PKN2: variants seen among roughly 807,000 people sequenced by gnomAD.
PKN2 encodes serine/threonine-protein kinase N2.
PKN2 carries 38 observed loss-of-function variants against 119.1 expected under a neutral mutation model. The observed-to-expected ratio is 0.32, with a 90% confidence interval of 0.25 to 0.42. The LOEUF is 0.42. Ranked by LOEUF, PKN2 falls within the 10% of genes least tolerant of loss-of-function variation. The probability of loss-of-function intolerance (pLI) is 1.00; values close to 1 mark genes in which losing one functional copy is unlikely to be tolerated. For missense variants in PKN2, 850 were observed against 1,165.1 expected (o/e 0.73, Z 3.94); for synonymous variants, 390 against 384.9 (o/e 1.01, Z -0.15).
At chr1:88,795,902 G>A (rs779717148) in intron 8 of PKN2, among the ~76,000 whole-genome samples, 29 of 152,228 alleles carry the variant, frequency 1.9e-4, no homozygotes, top group Non-Finnish European at 2.6e-4. Context: ...CTCACACAGC[G>A]CTGCAAGGTT....
intron 3 of PKN2, among the ~76,000 whole-genome samples, chr1:88,762,952 T>A (rs549746083): frequency 1.6e-4 from 25 of 152,340 alleles, no homozygotes; most frequent in African/African-American, 6.0e-4. Flanking sequence ...GTGTATTTCT[T>A]ACCTGACATA....
intron 1 of PKN2, among the ~76,000 whole-genome samples, chr1:88,729,514 G>T (rs1668043565): frequency 6.6e-6 from 1 of 152,158 alleles, no homozygotes; most frequent in African/African-American, 2.4e-5. Flanking sequence ...GAAAGCTTTT[G>T]TTCTCATACA....
intron 1 of PKN2, among the ~76,000 whole-genome samples, chr1:88,722,765 A>G (rs558104900): frequency 6.6e-6 from 1 of 151,948 alleles, no homozygotes; most frequent in East Asian, 1.9e-4. Flanking sequence ...CTTGGGTGAC[A>G]GTGCAAGACC....
chr1:88,833,402 A>T lies in PKN2; in HGVS notation c.2909A>T (p.Glu970Val), dbSNP rs1400238899. 6.2e-7 allele frequency: 1 copy of T among 1,613,372 alleles called. No homozygotes were observed. Among genetic ancestry groups the T allele is most frequent in the Admixed American group, 1.7e-5 (1 of 59,956 alleles). ...PREPRILSEE[E>V]QEMFRDFDYI... is the part of the protein sequence containing the mutation. ...GAACCAAGGATACTTTCGGAAGAGG[A>T]GCAGGAAATGTTCAGAGATTTTGAC... is the stretch of plus-strand genomic sequence containing the variant. Residue 970 changes from glutamate (E) to valine (V), a missense_variant, in exon 22 of 22, where the codon GAG becomes GTG. This residue lies in a region of PKN2 where 52 missense variants were observed against 39.9 expected (regional missense o/e 1.30). Coordinates refer to ENST00000370521, the MANE Select transcript of PKN2 (RefSeq NM_006256.4).
At chr1:88,733,012 A>T (rs1276619265) in intron 1 of PKN2, among the ~76,000 whole-genome samples, 1 of 152,154 alleles carries the variant, frequency 6.6e-6, no homozygotes, top group African/African-American at 2.4e-5. Context: ...GCAGGGAAAA[A>T]CGGGTAGGGA....
chr1:88,712,610 G>A (rs576963132), intron 1 of PKN2, among the ~76,000 whole-genome samples: 46 of 152,010 alleles, frequency 3.0e-4, no homozygotes, highest in South Asian at 6.2e-4. Context: ...AAATACTCAG[G>A]GTGTGTTATA....
intron 1 of PKN2, among the ~76,000 whole-genome samples, chr1:88,735,066 G>A (rs1018763986): frequency 2.0e-5 from 3 of 152,114 alleles, no homozygotes; most frequent in Non-Finnish European, 4.4e-5. Context: ...CCATCTTCCA[G>A]TATACTTACT....
intron 16 of PKN2, among the ~76,000 whole-genome samples, chr1:88,815,843 C>T (rs1671965414): frequency 6.6e-6 from 1 of 152,130 alleles, no homozygotes; most frequent in African/African-American, 2.4e-5. Flanking sequence ...AGTCTGTTTA[C>T]AAAGAAAGAA....
chr1:88,808,260 AAAGT>A (rs1159741932), intron 15 of PKN2, among the ~76,000 whole-genome samples: 12 of 152,082 alleles, frequency 7.9e-5, no homozygotes, highest in Non-Finnish European at 1.3e-4. Flanking sequence ...TGGGTCTAAT[AAAGT>A]AAGTTGTGGT....
chr1:88,715,033 T>C (rs1667388058), intron 1 of PKN2, among the ~76,000 whole-genome samples: 1 of 152,224 alleles, frequency 6.6e-6, no homozygotes, highest in South Asian at 2.1e-4. Context: ...GAGATAATCA[T>C]GTGGCTTTTG....
chr1:88,739,751 C>G, intron 1 of PKN2, among the ~76,000 whole-genome samples: 1 of 152,166 alleles, frequency 6.6e-6, no homozygotes, highest in East Asian at 1.9e-4. Context: ...ATAGCTAGAA[C>G]ATAACTTTAG....
At chr1:88,778,681 CCCTCCACTTAGCTGT>C (rs1670203779) in intron 6 of PKN2, among the ~76,000 whole-genome samples, 2 of 152,064 alleles carry the variant, frequency 1.3e-5, no homozygotes, top group African/African-American at 4.8e-5. Flanking sequence ...TTGACAGATG[CCCTCCACTTAGCTGT>C]TTCTCTGCCT....
intron 2 of PKN2, among the ~76,000 whole-genome samples, chr1:88,754,888 A>G (rs1366541799): frequency 1.3e-5 from 2 of 152,242 alleles, no homozygotes; most frequent in Non-Finnish European, 2.9e-5. Flanking sequence ...TTTGTATAAC[A>G]TACATTTTGA....
intron 6 of PKN2, among the ~76,000 whole-genome samples, chr1:88,779,503 A>G (rs1339188837): frequency 6.6e-6 from 1 of 151,796 alleles, no homozygotes; most frequent in East Asian, 1.9e-4. Flanking sequence ...ACTAGATACT[A>G]TGTGATCTGA....
chr1:88,757,259 T>G (rs930298078), intron 2 of PKN2, among the ~76,000 whole-genome samples: 1 of 152,204 alleles, frequency 6.6e-6, no homozygotes, highest in Non-Finnish European at 1.5e-5. Flanking sequence ...CACATACATG[T>G]GTTTGCGCAG....
intron 6 of PKN2, among the ~76,000 whole-genome samples, chr1:88,772,604 C>T (rs1241213237): frequency 6.6e-6 from 1 of 152,102 alleles, no homozygotes; most frequent in East Asian, 1.9e-4. Context: ...GTTCTTTTTA[C>T]CTTTTGACTG....
chr1:88,699,210 C>T (rs944318028), intron 1 of PKN2, among the ~76,000 whole-genome samples: 1 of 152,068 alleles, frequency 6.6e-6, no homozygotes, highest in African/African-American at 2.4e-5. Flanking sequence ...AACTTACCTT[C>T]GTATTTCCTA....
chr1:88,797,973 AAAAG>A (rs1671160013), intron 8 of PKN2, among the ~76,000 whole-genome samples: 1 of 152,110 alleles, frequency 6.6e-6, no homozygotes, highest in African/African-American at 2.4e-5. Flanking sequence ...ATGCACACAA[AAAAG>A]AAAACAATTT....
rs891498002 is a variant in PKN2 at position 88,786,330 on chromosome 1, A to T, written c.1281+117A>T. The T allele has an allele frequency of 3.8e-5, 19 of 498,462 alleles. No individual in the cohort carries two copies. The East Asian group carries it at 5.9e-4, about 16-fold the overall frequency. The allele number at this position is 498,462 out of a possible 1,614,324, so 30.9% of individuals were successfully genotyped here. A position where few individuals can be genotyped will look rare whatever the true frequency, so the allele number is the denominator to read the frequency against. On this transcript the variant is annotated intron_variant, in intron 8 of 21. Transcript: ENST00000370521. ...TAACAAGAATAAAAATAGAACTTAG[A>T]TTTTTTTTTTACATTTCTTATTCAA...
Sources: gnomAD v4.1 joint callset for allele counts (sites outside exome capture counted in the v4.1 genomes callset) on GRCh38, gnomAD v4.1.1 for gene constraint, gnomAD v4.1.1 regional missense constraint, MANE v1.5 for transcripts, NCBI Gene and HGNC (gene_info 2026-07-23, HGNC 2026-07-21) for gene names.